The following MORC1 variants were observed in gnomAD, a reference collection of about 807,000 sequenced individuals.
MORC1 encodes the protein MORC family CW-type zinc finger 1.
MORC1 carries 59 observed loss-of-function variants against 134.9 expected under a neutral mutation model. The ratio of observed to expected loss-of-function variants is 0.44; its 90% confidence interval spans 0.35 to 0.54. The LOEUF is 0.54. MORC1 is among the 20% of genes least tolerant of loss of function. MORC1 has a pLI of 0.00. For missense variants in MORC1, 947 were observed against 1,134.5 expected, an observed-to-expected ratio of 0.83 and a Z score of 2.37; for synonymous variants, 395 against 391.7, an observed-to-expected ratio of 1.01 and a Z score of -0.10.
At chr3:109,049,942 T>C (rs1283921112) in intron 14 of MORC1, among the ~76,000 whole-genome samples, 2 of 152,182 alleles carry the variant, frequency 1.3e-5, no homozygotes, top group African/African-American at 4.8e-5. Flanking sequence ...TAATTACTAT[T>C]CTTGAACTTG....
At chr3:109,000,131 A>C (rs565443081) in intron 21 of MORC1, among the ~76,000 whole-genome samples, 14 of 152,346 alleles carry the variant, frequency 9.2e-5, no homozygotes, top group Non-Finnish European at 1.6e-4. Context: ...ATCCTTGAAT[A>C]CACTTTTCTC....
intron 8 of MORC1, among the ~76,000 whole-genome samples, chr3:109,076,780 G>C (rs956551941): frequency 6.6e-6 from 1 of 152,024 alleles, no homozygotes; most frequent in East Asian, 1.9e-4. Flanking sequence ...TGGACAATGA[G>C]AACGCATGGA....
intron 20 of MORC1, among the ~76,000 whole-genome samples, chr3:109,004,515 A>C (rs1238661482): frequency 6.6e-6 from 1 of 152,210 alleles, no homozygotes; most frequent in East Asian, 1.9e-4. Flanking sequence ...ATTCTCAAAA[A>C]AAAAGAATTA....
chr3:109,078,164 C>T lies in MORC1; in HGVS notation c.690-8407G>A, dbSNP rs142521576. Among the ~76,000 whole-genome samples, 382 of 151,592 alleles carry T rather than the reference C, an allele frequency of 2.5e-3. 4 individuals carry two copies. Among genetic ancestry groups the T allele is most frequent in the Middle Eastern group, 0.017 (5 of 294 alleles). ...ATTCTAACATACTGCTCTCAGAAAC[C>T]GAGCAATGAAGAAGAAAAAAAGACA... On this transcript the variant is annotated intron_variant, in intron 8 of 27. Transcript: ENST00000232603.
intron 17 of MORC1, among the ~76,000 whole-genome samples, chr3:109,014,972 G>T (rs956135459): frequency 1.3e-5 from 2 of 152,178 alleles, no homozygotes; most frequent in Middle Eastern, 6.8e-3. Flanking sequence ...TGCAACCTCT[G>T]CCTCCTGGGT....
chr3:109,093,592 G>C, intron 7 of MORC1, 51 bp from the exon 8 acceptor site: 1 of 1,272,822 alleles, frequency 7.9e-7, no homozygotes, highest in Non-Finnish European at 1.1e-6. Context: ...TACACTAAAT[G>C]CTAGTCATTG....
chr3:109,107,551 A>G (rs1576752624), intron 3 of MORC1, among the ~76,000 whole-genome samples: 1 of 152,260 alleles, frequency 6.6e-6, no homozygotes, highest in Non-Finnish European at 1.5e-5. Flanking sequence ...ACAAACGTAT[A>G]AAACACCACG....
At chr3:108,982,010 G>A (rs535403627) in intron 23 of MORC1, among the ~76,000 whole-genome samples, 13 of 152,274 alleles carry the variant, frequency 8.5e-5, no homozygotes, top group African/African-American at 2.9e-4. Flanking sequence ...CTATACATCT[G>A]ACAAAGGGCT....
intron 27 of MORC1, among the ~76,000 whole-genome samples, chr3:108,959,682 T>C (rs1947028273): frequency 1.3e-5 from 2 of 152,186 alleles, no homozygotes; most frequent in Non-Finnish European, 2.9e-5. Flanking sequence ...GACGTATGAG[T>C]TGGGTCTTCA....
At chr3:109,110,728 G>A in intron 3 of MORC1, 21 bp downstream of exon 3, 2 of 1,573,504 alleles carry the variant, frequency 1.3e-6, no homozygotes, top group Non-Finnish European at 1.7e-6. Flanking sequence ...GAAAATAAAA[G>A]AAGAAAGCAA....
Position 109,092,548 on chromosome 3 carries a change from G to A in MORC1, c.689+888C>T, listed in dbSNP as rs6778039. 5.5e-3 allele frequency among the ~76,000 whole-genome samples: 827 copies of A among 151,554 alleles called. 5 individuals are homozygous for A. Among genetic ancestry groups the A allele is most frequent in the African/African-American group, 0.019 (786 of 41,250 alleles). The stretch of plus-strand genomic sequence containing the variant: ...TGCTGTATGTTGCAACACACACACT[G>A]GATTCAAAGACTTTGGATTTAAAAA... On this transcript the variant is annotated intron_variant, in intron 8 of 27. Coordinates refer to ENST00000232603, the MANE Select transcript of MORC1 (RefSeq NM_014429.4).
At chr3:109,004,437 C>T (rs1451069608) in intron 20 of MORC1, among the ~76,000 whole-genome samples, 1 of 152,094 alleles carries the variant, frequency 6.6e-6, no homozygotes, top group Non-Finnish European at 1.5e-5. Context: ...CAGCACTGCA[C>T]CTAGCACAGG....
intron 24 of MORC1, 80 bp downstream of exon 24, chr3:108,979,435 C>A: frequency 6.9e-7 from 1 of 1,457,318 alleles, no homozygotes; most frequent in South Asian, 1.3e-5. Flanking sequence ...CATTAAAACT[C>A]AGTAGGGAAA....
rs1950768162 is a variant in MORC1, at chr3:109,093,482, C to T, written c.643G>A (p.Val215Ile). ...AGTATATCTTCTTTGTCAGTTTTAA[C>T]ATCCAACTCTGGTTCTCCATTAAGC... ...LLLNGEPELD[V>I]KTDKEDILMA... Residue 215 changes from valine to isoleucine, a missense_variant, in exon 8 of 28, where the codon GTT becomes ATT. Val to Ile is a conservative substitution (Grantham distance 29, BLOSUM62 3). Around this residue, in one of 3 missense-constraint regions of MORC1, gnomAD observed 214 missense variants for 281.3 expected, o/e 0.76. Coordinates refer to ENST00000232603, the MANE Select transcript of MORC1 (RefSeq NM_014429.4). 1.1e-5 allele frequency: 18 copies of T among 1,613,818 alleles called. No homozygotes were observed. The highest frequency in any genetic ancestry group is 1.5e-5 in the Non-Finnish European group (18 of 1,179,860).
Position 108,959,003 on chromosome 3 carries a change from G to C in MORC1, c.2917C>G (p.Leu973Val). Residue 973 changes from leucine to valine, a missense_variant, in exon 28 of 28, where the codon CTC (leucine) becomes GTC (valine). Leu to Val is a conservative substitution (Grantham distance 32). Around this residue, in one of 3 missense-constraint regions of MORC1, gnomAD observed 722 missense variants for 817.0 expected, o/e 0.88. Transcript: ENST00000232603. ...GTCTTTTCATTTTTTTCTAAAGGGA[G>C]TCTATGTCTTGCATCTATAGTTACT... ...NKVTIDARHR[L>V]PLEKNEKTSE... The C allele has an allele frequency of 6.5e-7, 1 of 1,535,764 alleles. No individual in the cohort carries two copies. The highest frequency in any genetic ancestry group is 1.3e-5 in the South Asian group (1 of 78,900).
intron 14 of MORC1, among the ~76,000 whole-genome samples, chr3:109,045,708 T>C (rs906994815): frequency 3.9e-5 from 6 of 152,126 alleles, no homozygotes; most frequent in Non-Finnish European, 8.8e-5. Context: ...GGCTCCTGGG[T>C]ATGGTGGCAT....
rs374719665 is a variant in MORC1, at chr3:109,091,272, G to C, written c.689+2164C>G. 2.4e-3 allele frequency among the ~76,000 whole-genome samples: 371 copies of C among 151,554 alleles called. 4 individuals carry two copies. The highest frequency in any genetic ancestry group is 0.017 in the South Asian group (80 of 4,794). ...AGCCTGGCCAACATGGTGAAACCCC[G>C]TCTCTACTAAAAATACAAAAAATTA... On this transcript the variant is annotated intron_variant, in intron 8 of 27. Coordinates refer to ENST00000232603, the MANE Select transcript of MORC1 (RefSeq NM_014429.4).
chr3:109,028,242 C>A (rs981901991), intron 16 of MORC1, among the ~76,000 whole-genome samples: 1 of 151,824 alleles, frequency 6.6e-6, no homozygotes, highest in Admixed American at 6.6e-5. Context: ...TTTCCCCCCC[C>A]AAAAAAGGTA....
At chr3:108,996,286 G>GTGCGCACACACACACACACACA (rs1553745317) in intron 21 of MORC1, among the ~76,000 whole-genome samples, 1 of 146,382 alleles carries the variant, frequency 6.8e-6, no homozygotes, top group African/African-American at 2.6e-5. Context: ...GCGCGCGCGC[G>GTGCGCACACACACACACACACA]CACACACACA....
Sources: gnomAD v4.1 joint callset for allele counts (sites outside exome capture counted in the v4.1 genomes callset) on GRCh38, gnomAD v4.1.1 for gene constraint, gnomAD v4.1.1 regional missense constraint, MANE v1.5 for transcripts, NCBI Gene and HGNC (gene_info 2026-07-23, HGNC 2026-07-21) for gene names.